PRKCH: variants seen among roughly 807,000 people sequenced by gnomAD.
PRKCH encodes the protein protein kinase C eta.
A neutral mutation model predicts 82.5 loss-of-function variants in PRKCH; 28 were observed. The ratio of observed to expected loss-of-function variants is 0.34; its 90% CI spans 0.25 to 0.47. PRKCH has a LOEUF of 0.47. Among genes scored for constraint, PRKCH ranks in the 20% least tolerant of loss-of-function variants. The probability of loss-of-function intolerance (pLI) is 1.00; values close to 1 mark genes in which losing one functional copy is unlikely to be tolerated. For missense variants in PRKCH, 705 were observed against 881.8 expected, an observed-to-expected ratio of 0.80 and a Z score of 2.54; for synonymous variants, 322 against 327.4, an observed-to-expected ratio of 0.98 and a Z score of 0.18.
At chr14:61,540,143 G>A (rs116557870) in intron 12 of PRKCH, among the ~76,000 whole-genome samples, 1,939 of 152,186 alleles carry the variant, frequency 0.013, 33 homozygotes, top group African/African-American at 0.044. Flanking sequence ...AGGATGCCTC[G>A]GATTTTTTCC....
chr14:61,429,824 G>A (rs536571356), intron 2 of PRKCH, among the ~76,000 whole-genome samples: 2 of 152,108 alleles, frequency 1.3e-5, no homozygotes, highest in Non-Finnish European at 2.9e-5. Context: ...GCTAGAGACG[G>A]TATAAAAACT....
At chr14:61,271,416 C>T (rs151049118) in intron 1 of PRKCH, among the ~76,000 whole-genome samples, 7 of 152,310 alleles carry the variant, frequency 4.6e-5, no homozygotes, top group South Asian at 2.1e-4. Flanking sequence ...ACGCCTTCAA[C>T]TCCAGTTCTT....
chr14:61,225,730 T>C (rs1006192243), intron 1 of PRKCH, among the ~76,000 whole-genome samples: 5 of 146,196 alleles, frequency 3.4e-5, no homozygotes, highest in African/African-American at 1.3e-4. Context: ...TAAACATTCT[T>C]GGAAGATATA....
chr14:61,355,685 C>T (rs2046138553), intron 1 of PRKCH, among the ~76,000 whole-genome samples: 1 of 152,056 alleles, frequency 6.6e-6, no homozygotes, highest in South Asian at 2.1e-4. Context: ...ATTAGTATTG[C>T]CCTGACTTTA....
chr14:61,496,499 T>G (rs1211777687), intron 10 of PRKCH, among the ~76,000 whole-genome samples: 2 of 152,194 alleles, frequency 1.3e-5, no homozygotes, highest in African/African-American at 4.8e-5. Context: ...AGCTACCAAT[T>G]CTTGCAGTCT....
intron 1 of PRKCH, among the ~76,000 whole-genome samples, chr14:61,342,224 A>G (rs960594247): frequency 2.6e-5 from 4 of 151,714 alleles, no homozygotes; most frequent in African/African-American, 9.7e-5. Flanking sequence ...CTCAACTACT[A>G]ATTAAATTCA....
rs149594009 is a variant in PRKCH at position 61,502,848 on chromosome 14, C to T, written c.1433+17192C>T. Among the ~76,000 whole-genome samples, 234 of 152,188 alleles carry T rather than the reference C, an allele frequency of 1.5e-3. 1 individual carries two copies. The Middle Eastern group carries it at 0.024, about 15-fold the overall frequency. On this transcript the variant is annotated intron_variant, in intron 10 of 13. Coordinates refer to ENST00000332981, the MANE Select transcript of PRKCH (RefSeq NM_006255.5). ...AGTTCACCGAGTGAGGATTTTAACACTCCTTTGACAAAGAAATGGGGCCGA... is the reference window on the plus strand; with the variant it reads ...AGTTCACCGAGTGAGGATTTTAACATTCCTTTGACAAAGAAATGGGGCCGA...
At chr14:61,348,471 G>C (rs2046026529) in intron 1 of PRKCH, among the ~76,000 whole-genome samples, 1 of 152,200 alleles carries the variant, frequency 6.6e-6, no homozygotes, top group African/African-American at 2.4e-5. Context: ...TGCTTGGGCT[G>C]GGATGAAATA....
intron 9 of PRKCH, among the ~76,000 whole-genome samples, chr14:61,466,079 T>C (rs758151437): frequency 6.6e-6 from 1 of 152,128 alleles, no homozygotes; most frequent in African/African-American, 2.4e-5. Context: ...CTGCCCAAGA[T>C]AGTGAATTGG....
In PRKCH at chr14:61,286,770, C is replaced by T. The variant is rs180943395; in HGVS notation, c.-19+99102C>T. 1.6e-4 allele frequency among the ~76,000 whole-genome samples: 25 copies of T among 151,748 alleles called. 1 individual carries two copies. In the East Asian group the frequency reaches 4.5e-3, roughly 27 times the overall value. ...CAACCTGGGCGACAAAAGCGAAACT[C>T]CATCTCAAAAAAAAAGAGGGTGAAC... On this transcript the variant is annotated intron_variant, in intron 1 of 3. Transcript: ENST00000555185.
At chr14:61,313,490 C>G (rs1283858485) in intron 1 of PRKCH, among the ~76,000 whole-genome samples, 2 of 152,096 alleles carry the variant, frequency 1.3e-5, no homozygotes, top group African/African-American at 4.8e-5. Context: ...CAGGGTCTTG[C>G]TCTGTTGCCC....
intron 1 of PRKCH, among the ~76,000 whole-genome samples, chr14:61,366,418 G>T (rs1185191479): frequency 6.6e-6 from 1 of 152,052 alleles, no homozygotes; most frequent in South Asian, 2.1e-4. Context: ...ATTTCCTTGA[G>T]CAAAGATAAT....
chr14:61,406,271 C>A (rs1290782127), intron 2 of PRKCH, among the ~76,000 whole-genome samples: 1 of 43,106 alleles, frequency 2.3e-5, no homozygotes, highest in Non-Finnish European at 4.7e-5. Context: ...CAAATGTATT[C>A]TTTTAAGAAC....
chr14:61,404,924 G>A (rs1881856366), intron 2 of PRKCH, among the ~76,000 whole-genome samples: 1 of 146,738 alleles, frequency 6.8e-6, no homozygotes, highest in South Asian at 2.2e-4. Flanking sequence ...CACAACTTTG[G>A]TGCCCTGCTA....
At chr14:61,374,275 G>A (rs1017825274) in intron 1 of PRKCH, among the ~76,000 whole-genome samples, 1 of 152,192 alleles carries the variant, frequency 6.6e-6, no homozygotes. Context: ...CCCTGCGACT[G>A]CTTTCGTGGC....
At chr14:61,295,168 T>G (rs1360914715) in intron 1 of PRKCH, among the ~76,000 whole-genome samples, 1 of 152,196 alleles carries the variant, frequency 6.6e-6, no homozygotes, top group African/African-American at 2.4e-5. Context: ...GCCTGGCTCT[T>G]GTACCTATCT....
chr14:61,325,670 C>G (rs1194627178), intron 1 of PRKCH, among the ~76,000 whole-genome samples: 1 of 151,910 alleles, frequency 6.6e-6, no homozygotes, highest in East Asian at 1.9e-4. Flanking sequence ...AAATAAAAAC[C>G]CAAGCCACAA....
chr14:61,299,669 T>C (rs186853284), intron 1 of PRKCH: 2 of 152,310 alleles, frequency 1.3e-5, no homozygotes, highest in African/African-American at 4.8e-5. Context: ...AGCATCCTTG[T>C]CTCAAAACCT....
chr14:61,284,233 A>G (rs1385982403), intron 1 of PRKCH, among the ~76,000 whole-genome samples: 1 of 152,200 alleles, frequency 6.6e-6, no homozygotes, highest in African/African-American at 2.4e-5. Flanking sequence ...GAAAGAAATG[A>G]CTGAGTGTGA....
Sources: gnomAD v4.1 joint callset for allele counts (sites outside exome capture counted in the v4.1 genomes callset) on GRCh38, gnomAD v4.1.1 for gene constraint, MANE v1.5 for transcripts, NCBI Gene and HGNC (gene_info 2026-07-23, HGNC 2026-07-21) for gene names.